The following SNTG1 variants were observed in gnomAD, a reference collection of about 807,000 sequenced individuals.
SNTG1 encodes the protein gamma-1-syntrophin.
A neutral mutation model predicts 74.7 loss-of-function variants in SNTG1; 39 were observed. The observed-to-expected ratio is 0.52, with a 90% CI of 0.40 to 0.68. The LOEUF (loss-of-function observed/expected upper bound fraction) is 0.68. SNTG1 is among the 30% of genes least tolerant of loss of function. The probability of loss-of-function intolerance (pLI) is 0.00; values close to 1 mark genes in which losing one functional copy is unlikely to be tolerated. For missense variants in SNTG1, 685 were observed against 609.5 expected, an observed-to-expected ratio of 1.12 and a Z score of -1.30; for synonymous variants, 254 against 217.1, an observed-to-expected ratio of 1.17 and a Z score of -1.49.
At chr8:50,404,094 A>G (rs10090266) in intron 4 of SNTG1, among the ~76,000 whole-genome samples, 143,913 of 152,182 alleles carry the variant, frequency 0.95, 68,332 homozygotes, top group Non-Finnish European at 1. Flanking sequence ...AAGGTTGCTG[A>G]GAATAAGGAC....
At chr8:50,174,135 G>C (rs2082908866) in intron 2 of SNTG1, among the ~76,000 whole-genome samples, 1 of 152,134 alleles carries the variant, frequency 6.6e-6, no homozygotes, top group South Asian at 2.1e-4. Context: ...ATGGCTTCCA[G>C]CTTCATCCAC....
At chr8:50,694,358 G>A (rs1423725996) in intron 15 of SNTG1, among the ~76,000 whole-genome samples, 1 of 151,876 alleles carries the variant, frequency 6.6e-6, no homozygotes, top group Non-Finnish European at 1.5e-5. Context: ...TACATTCTGG[G>A]ACACATACAA....
intron 2 of SNTG1, among the ~76,000 whole-genome samples, chr8:50,364,775 T>G (rs1040598399): frequency 6.6e-6 from 1 of 152,160 alleles, no homozygotes; most frequent in Non-Finnish European, 1.5e-5. Context: ...TCAGCATTTT[T>G]AGGTCAGCAA....
intron 1 of SNTG1, among the ~76,000 whole-genome samples, chr8:50,078,885 C>T (rs1438378407): frequency 6.6e-6 from 1 of 152,106 alleles, no homozygotes; most frequent in Non-Finnish European, 1.5e-5. Context: ...CTGCAAAGGA[C>T]ATGAACTCAT....
At chr8:49,980,471 G>A (rs908504518) in intron 1 of SNTG1, among the ~76,000 whole-genome samples, 1 of 125,382 alleles carries the variant, frequency 8.0e-6, no homozygotes, top group Non-Finnish European at 1.6e-5. Context: ...CCCTGCCCCA[G>A]GGCTTCCTGC....
chr8:50,381,313 A>G (rs980557159), intron 2 of SNTG1, among the ~76,000 whole-genome samples: 3 of 151,944 alleles, frequency 2.0e-5, no homozygotes, highest in Non-Finnish European at 4.4e-5. Flanking sequence ...ACATTTATAA[A>G]CTATGTAATT....
chr8:50,626,856 G>A (rs1031888712), intron 13 of SNTG1, among the ~76,000 whole-genome samples: 3 of 152,092 alleles, frequency 2.0e-5, no homozygotes, highest in Non-Finnish European at 4.4e-5. Flanking sequence ...AGATTTGGGA[G>A]CCTGTTCCAA....
intron 8 of SNTG1, among the ~76,000 whole-genome samples, chr8:50,461,537 T>A (rs2093562596): frequency 6.6e-6 from 1 of 152,150 alleles, no homozygotes; most frequent in Non-Finnish European, 1.5e-5. Flanking sequence ...ATTTATCTGA[T>A]CATTTTGATA....
intron 1 of SNTG1, among the ~76,000 whole-genome samples, chr8:50,109,538 C>G (rs1397850372): frequency 6.6e-6 from 1 of 152,228 alleles, no homozygotes; most frequent in East Asian, 1.9e-4. Context: ...CAGCATTTAG[C>G]AAATGTTCAT....
intron 1 of SNTG1, among the ~76,000 whole-genome samples, chr8:49,968,496 G>A (rs1811353746): frequency 6.6e-6 from 1 of 151,936 alleles, no homozygotes; most frequent in South Asian, 2.1e-4. Flanking sequence ...AAGATCTAAA[G>A]TGGAAAGATC....
At chr8:50,186,677 T>C (rs2083397418) in intron 2 of SNTG1, among the ~76,000 whole-genome samples, 1 of 152,178 alleles carries the variant, frequency 6.6e-6, no homozygotes, top group African/African-American at 2.4e-5. Flanking sequence ...GTCTTTTTTT[T>C]TGAGAAGTGT....
rs60947505 is a variant in SNTG1, at chr8:50,053,623, TTG to T, written c.-102-118904_-102-118903del. 5.5e-3 allele frequency among the ~76,000 whole-genome samples: 733 copies of T among 134,390 alleles called. 3 individuals are homozygous for T. Among genetic ancestry groups the T allele is most frequent in the African/African-American group, 0.014 (504 of 34,836 alleles). 88.2% of individuals were successfully genotyped at this position (134,390 alleles called of 152,430 possible). A position where few individuals can be genotyped will look rare whatever the true frequency, so the allele number is the denominator to read the frequency against. On this transcript the variant is annotated intron_variant, in intron 1 of 18. Coordinates refer to ENST00000642720, the MANE Select transcript of SNTG1 (RefSeq NM_018967.5). ...TATGCATATATATAAATATATATAA[TTG>T]TGTGTGTGTGTGTGTGTGTGTGTGT... is the stretch of plus-strand genomic sequence containing the variant.
At chr8:50,743,591 T>A (rs555309494) in intron 17 of SNTG1, among the ~76,000 whole-genome samples, 1 of 152,050 alleles carries the variant, frequency 6.6e-6, no homozygotes, top group East Asian at 1.9e-4. Flanking sequence ...AATACTTGCT[T>A]TGACTTCTTC....
chr8:49,990,924 T>A (rs982512900), intron 1 of SNTG1, among the ~76,000 whole-genome samples: 5 of 152,008 alleles, frequency 3.3e-5, no homozygotes, highest in African/African-American at 9.7e-5. Context: ...TGAGTAGCAA[T>A]AGAAAAAATG....
intron 8 of SNTG1, among the ~76,000 whole-genome samples, chr8:50,480,030 C>T (rs558486728): frequency 1.1e-4 from 17 of 152,168 alleles, no homozygotes; most frequent in African/African-American, 3.6e-4. Flanking sequence ...ATAGTGAGAC[C>T]TTGTCTAACT....
intron 1 of SNTG1, among the ~76,000 whole-genome samples, chr8:50,135,201 T>C (rs939517537): frequency 3.3e-5 from 5 of 152,206 alleles, no homozygotes; most frequent in Admixed American, 6.5e-5. Flanking sequence ...ATTCATCCCC[T>C]TACCAATACT....
At chr8:50,550,319 G>A (rs1215390470) in intron 11 of SNTG1, among the ~76,000 whole-genome samples, 3 of 152,072 alleles carry the variant, frequency 2.0e-5, no homozygotes, top group African/African-American at 4.8e-5. Context: ...TTACATTTTA[G>A]TCTCTGCAGC....
chr8:50,049,616 C>A (rs1819396486), intron 1 of SNTG1, among the ~76,000 whole-genome samples: 1 of 152,046 alleles, frequency 6.6e-6, no homozygotes, highest in African/African-American at 2.4e-5. Flanking sequence ...CATAGTGGAA[C>A]TAAGCAGCAC....
intron 5 of SNTG1, among the ~76,000 whole-genome samples, chr8:50,443,462 G>T (rs112998307): frequency 0.028 from 4,229 of 152,128 alleles, 187 homozygotes; most frequent in African/African-American, 0.095. Flanking sequence ...GTAAAAAATA[G>T]AATTATAATC....
Sources: allele counts gnomAD v4.1 joint callset (sites outside exome capture counted in the v4.1 genomes callset), GRCh38; gene constraint gnomAD v4.1.1; transcripts MANE v1.5; gene names NCBI Gene and HGNC (gene_info 2026-07-23, HGNC 2026-07-21).